Variants in TRPM3 observed in about 807,000 individuals in gnomAD.
TRPM3 encodes the protein transient receptor potential cation channel subfamily M member 3.
Under a neutral mutation model 181.2 loss-of-function variants are expected in TRPM3, and 77 were observed. The observed-to-expected ratio is 0.42, with a 90% CI of 0.35 to 0.51. The LOEUF (loss-of-function observed/expected upper bound fraction) is 0.51, where lower values mean the gene tolerates loss of function less well. Among genes scored for constraint, TRPM3 ranks in the 20% least tolerant of loss-of-function variants. The pLI is 0.01. For missense variants in TRPM3, 1,759 were observed against 2,196.7 expected (o/e 0.80, Z 3.98); for synonymous variants, 745 against 796.4 (o/e 0.94, Z 1.09).
chr9:71,228,677 G>A (rs2080853246), intron 1 of TRPM3, among the ~76,000 whole-genome samples: 1 of 152,006 alleles, frequency 6.6e-6, no homozygotes, highest in African/African-American at 2.4e-5. Flanking sequence ...TGTCAATGGT[G>A]AACAATCTGA....
intron 1 of TRPM3, among the ~76,000 whole-genome samples, chr9:70,967,599 T>C (rs1415524380): frequency 6.6e-6 from 1 of 152,080 alleles, no homozygotes; most frequent in Non-Finnish European, 1.5e-5. Flanking sequence ...ATTCTCAAAG[T>C]GTGTCCCATG....
intron 22 of TRPM3, among the ~76,000 whole-genome samples, chr9:70,585,406 C>G (rs936519202): frequency 8.5e-5 from 13 of 152,146 alleles, no homozygotes; most frequent in African/African-American, 3.1e-4. Flanking sequence ...CCCTAAATCT[C>G]TATCTCCTGT....
chr9:70,620,047 G>T, intron 16 of TRPM3, 29 bp downstream of exon 16: 2 of 1,582,640 alleles, frequency 1.3e-6, no homozygotes, highest in South Asian at 2.3e-5. Flanking sequence ...CTCTCCCCCT[G>T]ACCAGCCCAT....
At position 71,047,622 on chromosome 9, in the gene TRPM3, A is replaced by C. The variant is rs564443837; in HGVS notation, c.177+73556T>G. Among the ~76,000 whole-genome samples the C allele has an allele frequency of 2.6e-4, 39 of 152,336 alleles. 1 individual carries two copies. In the East Asian group the frequency reaches 5.0e-3, roughly 20 times the overall value. ...TCTGGATAAGATGAACATGTTGCTCATTCTATTATTTCCCTTGACATGATT... is the reference window on the plus strand; with the variant it reads ...TCTGGATAAGATGAACATGTTGCTCCTTCTATTATTTCCCTTGACATGATT... On this transcript the variant is annotated intron_variant, in intron 1 of 25. Coordinates refer to ENST00000677713, the MANE Select transcript of TRPM3 (RefSeq NM_001366145.2).
intron 1 of TRPM3, among the ~76,000 whole-genome samples, chr9:70,986,409 TTACTTA>T: frequency 6.6e-6 from 1 of 152,306 alleles, no homozygotes; most frequent in East Asian, 1.9e-4. Flanking sequence ...TACATCTTTA[TTACTTA>T]TACTTTAATA....
At chr9:70,740,055 C>T (rs891821403) in intron 8 of TRPM3, among the ~76,000 whole-genome samples, 1 of 152,170 alleles carries the variant, frequency 6.6e-6, no homozygotes, top group African/African-American at 2.4e-5. Context: ...ATGATATGAT[C>T]ATATACCTAG....
At chr9:70,598,148 T>A (rs1471259214) in intron 21 of TRPM3, among the ~76,000 whole-genome samples, 1 of 152,214 alleles carries the variant, frequency 6.6e-6, no homozygotes, top group Non-Finnish European at 1.5e-5. Context: ...CATCTTTGTA[T>A]ACCCAACTCC....
At chr9:70,749,098 TC>T (rs2075689407) in intron 8 of TRPM3, among the ~76,000 whole-genome samples, 1 of 151,986 alleles carries the variant, frequency 6.6e-6, no homozygotes, top group East Asian at 1.9e-4. Flanking sequence ...ACTCCTGGGC[TC>T]AAGTGATCCA....
At chr9:70,957,446 G>A (rs1160202430) in intron 1 of TRPM3, among the ~76,000 whole-genome samples, 1 of 152,050 alleles carries the variant, frequency 6.6e-6, no homozygotes, top group Non-Finnish European at 1.5e-5. Context: ...AGGTGCTCTG[G>A]GGTTAAAAGG....
intron 8 of TRPM3, among the ~76,000 whole-genome samples, chr9:70,744,121 A>G (rs1338488201): frequency 6.6e-6 from 1 of 152,062 alleles, no homozygotes; most frequent in Non-Finnish European, 1.5e-5. Flanking sequence ...CGAGGTCAGG[A>G]GTTCGAGACC....
chr9:71,137,888 G>A (rs957945945), intron 1 of TRPM3, among the ~76,000 whole-genome samples: 1 of 152,130 alleles, frequency 6.6e-6, no homozygotes, highest in African/African-American at 2.4e-5. Flanking sequence ...AGGCCGAGGT[G>A]GGCAGACTGC....
At chr9:71,122,448 G>A (rs982128100), upstream of TRPM3, among the ~76,000 whole-genome samples, 1 of 152,196 alleles carries the variant, frequency 6.6e-6, no homozygotes, top group Non-Finnish European at 1.5e-5. Context: ...CCCAGGCATC[G>A]GACCTCAGTG....
chr9:70,786,622 A>T (rs190760258), intron 6 of TRPM3, among the ~76,000 whole-genome samples: 2 of 152,364 alleles, frequency 1.3e-5, no homozygotes, highest in East Asian at 3.9e-4. Context: ...TGCCTTCAAA[A>T]AGGTAGCCTA....
chr9:70,686,107 C>A (rs1014741571), intron 8 of TRPM3, among the ~76,000 whole-genome samples: 1 of 150,848 alleles, frequency 6.6e-6, no homozygotes, highest in Non-Finnish European at 1.5e-5. Flanking sequence ...AATATATACA[C>A]ATGTGTATAT....
chr9:70,621,152 T>C (rs2063575915), intron 15 of TRPM3, 92 bp downstream of exon 15: 2 of 450,670 alleles, frequency 4.4e-6, no homozygotes, highest in African/African-American at 2.2e-5. Context: ...ACACTATATA[T>C]TATTTTATAT....
At chr9:71,189,058 G>C (rs1587853866) in intron 1 of TRPM3, among the ~76,000 whole-genome samples, 1 of 151,828 alleles carries the variant, frequency 6.6e-6, no homozygotes, top group Non-Finnish European at 1.5e-5. Context: ...TCATCAATAT[G>C]TGCCAATACC....
chr9:71,389,711 T>A (rs2093015662), intron 1 of TRPM3, among the ~76,000 whole-genome samples: 1 of 152,140 alleles, frequency 6.6e-6, no homozygotes, highest in Admixed American at 6.5e-5. Flanking sequence ...GAGACTATTA[T>A]TCTAAGTGAA....
At chr9:70,555,811 A>G (rs886729565) in intron 22 of TRPM3, among the ~76,000 whole-genome samples, 3 of 152,002 alleles carry the variant, frequency 2.0e-5, no homozygotes, top group Non-Finnish European at 2.9e-5. Context: ...TCACTCCTCT[A>G]TTCTGCCCTT....
At chr9:71,061,940 C>T (rs2061380703) in intron 1 of TRPM3, among the ~76,000 whole-genome samples, 1 of 151,928 alleles carries the variant, frequency 6.6e-6, no homozygotes, top group Non-Finnish European at 1.5e-5. Flanking sequence ...GATCCTGTGA[C>T]CCCAATGACC....
Sources: allele counts gnomAD v4.1 joint callset (sites outside exome capture counted in the v4.1 genomes callset), GRCh38; gene constraint gnomAD v4.1.1; transcripts MANE v1.5; gene names NCBI Gene and HGNC (gene_info 2026-07-23, HGNC 2026-07-21).